Variants in FGF13 observed in about 807,000 individuals in gnomAD.
FGF13 encodes fibroblast growth factor homologous factor 2.
In FGF13, 2 loss-of-function variants were observed where a neutral mutation model predicts 19.5. The observed-to-expected ratio is 0.10, with a 90% CI of 0.04 to 0.32. The LOEUF (loss-of-function observed/expected upper bound fraction) is 0.32. Among genes scored for constraint, FGF13 ranks in the 10% least tolerant of loss-of-function variants. The pLI, the probability that FGF13 is intolerant of heterozygous loss-of-function variation, is 1.00. For missense variants in FGF13, 113 were observed against 192.7 expected (o/e 0.59, Z 2.45); for synonymous variants, 72 against 76.9 (o/e 0.94, Z 0.33).
Position 138,786,083 on chromosome X carries a change from A to C in FGF13, c.217+71429T>G, listed in dbSNP as rs752988102. 3.6e-5 allele frequency among the ~76,000 whole-genome samples: 4 copies of C among 111,959 alleles called. No homozygotes were observed. The Admixed American group carries it at 3.8e-4, about 11-fold the overall frequency. On this transcript the variant is annotated intron_variant, in intron 3 of 6. Transcript: ENST00000436198. ...TGATCCACTATACCCATTTGTTCTAAAGCAATTGCTTCAGATGTTTTCTTT... is the reference window on the plus strand; with the variant it reads ...TGATCCACTATACCCATTTGTTCTACAGCAATTGCTTCAGATGTTTTCTTT...
chrX:138,858,735 G>T (rs757377391), intron 2 of FGF13, among the ~76,000 whole-genome samples: 28 of 106,907 alleles, frequency 2.6e-4, no homozygotes, highest in Middle Eastern at 4.7e-3. Context: ...CTTGTGGGGT[G>T]AATAATGCCG....
At chrX:139,068,114 T>G (rs1442071589) in intron 1 of FGF13, among the ~76,000 whole-genome samples, 3 of 94,629 alleles carry the variant, frequency 3.2e-5, no homozygotes, top group Non-Finnish European at 6.1e-5. Flanking sequence ...TTTTTATGGT[T>G]TTAGGTCTAA....
At chrX:139,000,842 T>G (rs1253593171) in intron 1 of FGF13, among the ~76,000 whole-genome samples, 5 of 111,647 alleles carry the variant, frequency 4.5e-5, no homozygotes, top group Non-Finnish European at 9.4e-5. Flanking sequence ...CAACTTTAAA[T>G]TTCATATGGA....
At chrX:138,655,156 A>C (rs1030547607) in intron 3 of FGF13, among the ~76,000 whole-genome samples, 11 of 111,992 alleles carry the variant, frequency 9.8e-5, no homozygotes, top group African/African-American at 3.2e-4. Flanking sequence ...CTTATCTAAA[A>C]TATTGTCAAA....
chrX:138,806,295 C>T (rs765516892), intron 3 of FGF13: 1 of 112,129 alleles, frequency 8.9e-6, no homozygotes, highest in Non-Finnish European at 1.9e-5. Context: ...ATATTAGGAG[C>T]GTGAATCTCA....
chrX:138,900,345 C>G (rs182630545), intron 1 of FGF13, among the ~76,000 whole-genome samples: 15 of 111,112 alleles, frequency 1.3e-4, no homozygotes, highest in East Asian at 1.1e-3. Flanking sequence ...ACTCTTTATA[C>G]TCATCCTTCC....
intron 3 of FGF13, among the ~76,000 whole-genome samples, chrX:138,811,701 C>G (rs1332938981): frequency 9.0e-6 from 1 of 110,830 alleles, no homozygotes; most frequent in East Asian, 2.8e-4. Flanking sequence ...CTATGTCAAA[C>G]TTCTACATCT....
chrX:138,841,147 T>G (rs7056664), intron 3 of FGF13, among the ~76,000 whole-genome samples: 2,547 of 111,157 alleles, frequency 0.023, 79 homozygotes, highest in African/African-American at 0.08. Context: ...TTACCTAATT[T>G]TCAAAAGGAA....
chrX:138,685,232 G>A (rs187198370), intron 3 of FGF13, among the ~76,000 whole-genome samples: 6 of 110,877 alleles, frequency 5.4e-5, no homozygotes, highest in East Asian at 2.9e-4. Context: ...TAAGACTTCC[G>A]GAATCTATAC....
chrX:139,195,612 A>G (rs2084365065), intron 1 of FGF13, among the ~76,000 whole-genome samples: 1 of 111,998 alleles, frequency 8.9e-6, no homozygotes. Flanking sequence ...ACTGGGTTTC[A>G]TGTTTGTTAT....
intron 1 of FGF13, among the ~76,000 whole-genome samples, chrX:138,719,170 A>G (rs996550468): frequency 1.8e-5 from 2 of 112,351 alleles, no homozygotes; most frequent in African/African-American, 6.5e-5. Context: ...TGGGTTGCTC[A>G]ACAGTGGTGC....
chrX:138,979,321 C>T (rs2091953713), intron 1 of FGF13, among the ~76,000 whole-genome samples: 1 of 111,371 alleles, frequency 9.0e-6, no homozygotes. Context: ...GCATTGGTAC[C>T]TGGGATTAGT....
chrX:139,084,527 G>A (rs1402795017), intron 1 of FGF13, among the ~76,000 whole-genome samples: 1 of 111,624 alleles, frequency 9.0e-6, no homozygotes, highest in Non-Finnish European at 1.9e-5. Flanking sequence ...TCTGTGATCT[G>A]GGTCAGTGGA....
At chrX:138,907,328 C>G (rs181193836) in intron 1 of FGF13, among the ~76,000 whole-genome samples, 2 of 111,846 alleles carry the variant, frequency 1.8e-5, no homozygotes, top group African/African-American at 6.5e-5. Flanking sequence ...TTAGTCACAT[C>G]TCTGCTAGCT....
intron 1 of FGF13, among the ~76,000 whole-genome samples, chrX:138,878,543 G>C (rs749843558): frequency 0.04 from 4,244 of 107,232 alleles, 262 homozygotes; most frequent in African/African-American, 0.14. Flanking sequence ...TCTTAATCCA[G>C]TCTATCGTTG....
intron 1 of FGF13, among the ~76,000 whole-genome samples, chrX:138,876,388 C>T (rs2091389381): frequency 8.9e-6 from 1 of 112,071 alleles, no homozygotes; most frequent in East Asian, 2.8e-4. Flanking sequence ...ATTTTGAGTT[C>T]ATCAAAAGGC....
intron 1 of FGF13, among the ~76,000 whole-genome samples, chrX:138,725,706 A>AT (rs1043757055): frequency 3.6e-5 from 4 of 110,822 alleles, no homozygotes; most frequent in Non-Finnish European, 7.6e-5. Flanking sequence ...AATATAATGG[A>AT]TTTTTTCCTA....
intron 3 of FGF13, chrX:138,807,195 T>C (rs1318427237): frequency 9.0e-6 from 1 of 110,742 alleles, no homozygotes; most frequent in Non-Finnish European, 1.9e-5. Context: ...AAAACTGATG[T>C]TACTAGCAAA....
chrX:138,698,891 A>G (rs1388974217), intron 3 of FGF13, among the ~76,000 whole-genome samples: 1 of 112,036 alleles, frequency 8.9e-6, no homozygotes, highest in Non-Finnish European at 1.9e-5. Context: ...GTGCAAAAGC[A>G]GCCGTAGACA....
Sources: gnomAD v4.1 joint callset for allele counts (sites outside exome capture counted in the v4.1 genomes callset) on GRCh38, gnomAD v4.1.1 for gene constraint, MANE v1.5 for transcripts, NCBI Gene and HGNC (gene_info 2026-07-23, HGNC 2026-07-21) for gene names.